LRBA: variants seen among roughly 807,000 people sequenced by gnomAD.
LRBA encodes LPS responsive beige-like anchor protein.
LRBA carries 176 observed loss-of-function variants against 330.0 expected under a neutral mutation model. That is an observed-to-expected ratio of 0.53 (90% confidence interval 0.47 to 0.60). The LOEUF (loss-of-function observed/expected upper bound fraction) is 0.60. Among genes scored for constraint, LRBA ranks in the 20% least tolerant of loss-of-function variants. LRBA has a pLI of 0.00. For missense variants in LRBA, 3,259 were observed against 3,444.8 expected, an observed-to-expected ratio of 0.95 and a Z score of 1.35; for synonymous variants, 1,230 against 1,193.0, an observed-to-expected ratio of 1.03 and a Z score of -0.64.
chr4:150,887,009 ATGTT>A (rs1729008517), intron 17 of LRBA, among the ~76,000 whole-genome samples: 1 of 152,320 alleles, frequency 6.6e-6, no homozygotes, highest in South Asian at 2.1e-4. Context: ...GAAATAATAA[ATGTT>A]TGAGGTGATG....
intron 34 of LRBA, among the ~76,000 whole-genome samples, chr4:150,797,644 G>T (rs886356189): frequency 3.3e-5 from 5 of 151,922 alleles, no homozygotes; most frequent in African/African-American, 1.2e-4. Context: ...CAAATCTACT[G>T]TGCATGTCAA....
At chr4:150,709,956 T>C (rs1270232972) in intron 36 of LRBA, among the ~76,000 whole-genome samples, 1 of 151,858 alleles carries the variant, frequency 6.6e-6, no homozygotes, top group Non-Finnish European at 1.5e-5. Flanking sequence ...GGTTTTGTGG[T>C]TGATATTAAG....
chr4:150,662,045 T>C (rs1458303725), intron 37 of LRBA, among the ~76,000 whole-genome samples: 1 of 152,198 alleles, frequency 6.6e-6, no homozygotes, highest in Non-Finnish European at 1.5e-5. Flanking sequence ...TCTGGGATGT[T>C]TGTATACAGC....
chr4:150,265,848 CTG>C (rs1745237314), intron 56 of LRBA, 36 bp from the exon 57 acceptor site: 1 of 1,306,060 alleles, frequency 7.7e-7, no homozygotes, highest in African/African-American at 1.5e-5. Flanking sequence ...TTTTACAAAC[CTG>C]TGTGTCCTAG....
intron 40 of LRBA, among the ~76,000 whole-genome samples, chr4:150,501,508 C>T (rs376934613): frequency 1.3e-5 from 2 of 151,658 alleles, no homozygotes; most frequent in South Asian, 2.1e-4. Flanking sequence ...GATACTAGGG[C>T]GGCTGAGGCA....
At chr4:150,837,006 A>C (rs563574368) in intron 28 of LRBA, among the ~76,000 whole-genome samples, 3 of 151,984 alleles carry the variant, frequency 2.0e-5, no homozygotes, top group African/African-American at 7.3e-5. Context: ...CTTTGTTCTC[A>C]TTGGTTTCAA....
At chr4:150,383,367 C>T (rs1042807552) in intron 47 of LRBA, among the ~76,000 whole-genome samples, 16 of 152,102 alleles carry the variant, frequency 1.1e-4, no homozygotes, top group African/African-American at 3.4e-4. Context: ...CCACTTCAGC[C>T]TCCCAAGTAG....
At chr4:150,454,497 A>G (rs1292978268) in intron 44 of LRBA, among the ~76,000 whole-genome samples, 2 of 151,890 alleles carry the variant, frequency 1.3e-5, no homozygotes, top group Non-Finnish European at 2.9e-5. Context: ...TAACACTCAG[A>G]TTTTAAAATA....
intron 28 of LRBA, among the ~76,000 whole-genome samples, chr4:150,833,162 A>AAGAAG: frequency 6.6e-6 from 1 of 152,124 alleles, no homozygotes; most frequent in South Asian, 2.1e-4. Context: ...AAAGAAGACA[A>AAGAAG]ACTAGACTGA....
intron 40 of LRBA, among the ~76,000 whole-genome samples, chr4:150,578,146 T>C (rs1770773600): frequency 6.6e-6 from 1 of 152,256 alleles, no homozygotes; most frequent in African/African-American, 2.4e-5. Flanking sequence ...AAAATACAAC[T>C]GAATTCTCTA....
chr4:150,276,666 A>G (rs1016274220), intron 56 of LRBA, among the ~76,000 whole-genome samples: 1 of 152,272 alleles, frequency 6.6e-6, no homozygotes, highest in African/African-American at 2.4e-5. Flanking sequence ...CAACAAACAT[A>G]TGAATAAAAG....
At chr4:150,755,308 G>A (rs762510203) in intron 35 of LRBA, among the ~76,000 whole-genome samples, 13 of 152,178 alleles carry the variant, frequency 8.5e-5, no homozygotes, top group Non-Finnish European at 1.9e-4. Flanking sequence ...AGTTACTGCT[G>A]TAATAAGCAG....
At chr4:150,472,502 A>T (rs1464634539) in intron 42 of LRBA, among the ~76,000 whole-genome samples, 4 of 152,146 alleles carry the variant, frequency 2.6e-5, no homozygotes, top group East Asian at 1.9e-4. Flanking sequence ...AGTAATTTTT[A>T]AAAAATATTT....
rs1728201691 is a variant in LRBA, at chr4:150,716,375, G to A, written c.5754+18883C>T. 3.9e-5 allele frequency among the ~76,000 whole-genome samples: 6 copies of A among 152,252 alleles called. No individual in the cohort carries two copies. In the South Asian group the frequency reaches 1.2e-3, roughly 32 times the overall value. ...GGCAGAGAATTGCTTGAACCAGGCA[G>A]GCGGAGGTTTCAGTGCATAAAAAAA... is the stretch of plus-strand genomic sequence containing the variant. On this transcript the variant is annotated intron_variant, in intron 36 of 56. Coordinates refer to ENST00000651943, the MANE Select transcript of LRBA (RefSeq NM_001364905.1).
At chr4:150,870,435 G>C in intron 20 of LRBA, 90 bp downstream of exon 20, 2 of 760,398 alleles carry the variant, frequency 2.6e-6, no homozygotes, top group Admixed American at 1.9e-5. Context: ...CTAACAATCT[G>C]TTTCAACAAC....
chr4:150,907,568 G>A (rs756817748), intron 11 of LRBA, among the ~76,000 whole-genome samples: 1 of 151,874 alleles, frequency 6.6e-6, no homozygotes, highest in Non-Finnish European at 1.5e-5. Flanking sequence ...ATACACACTG[G>A]TGGCAGACAT....
intron 33 of LRBA, among the ~76,000 whole-genome samples, chr4:150,801,121 A>AT (rs1741551101): frequency 6.6e-6 from 1 of 152,140 alleles, no homozygotes; most frequent in Admixed American, 6.5e-5. Context: ...TAAATAATTT[A>AT]TTTTTTAAAA....
At chr4:150,304,908 T>C (rs978377289) in intron 52 of LRBA, among the ~76,000 whole-genome samples, 3 of 152,210 alleles carry the variant, frequency 2.0e-5, no homozygotes, top group Non-Finnish European at 4.4e-5. Flanking sequence ...ATACATCATA[T>C]ATACATCATA....
intron 33 of LRBA, among the ~76,000 whole-genome samples, chr4:150,801,113 A>C (rs1688518732): frequency 6.6e-6 from 1 of 152,186 alleles, no homozygotes; most frequent in African/African-American, 2.4e-5. Flanking sequence ...AGTCACCTTA[A>C]ATAATTTATT....
Sources: gnomAD v4.1 joint callset for allele counts (sites outside exome capture counted in the v4.1 genomes callset) on GRCh38, gnomAD v4.1.1 for gene constraint, MANE v1.5 for transcripts, NCBI Gene and HGNC (gene_info 2026-07-23, HGNC 2026-07-21) for gene names.